Variants in ZNF638 observed in about 807,000 individuals in gnomAD.
ZNF638 encodes the protein zinc finger protein 638.
ZNF638 carries 46 observed loss-of-function variants against 195.6 expected under a neutral mutation model. That is an observed-to-expected ratio of 0.24 (90% CI 0.19 to 0.30). The LOEUF is 0.30. Ranked by LOEUF, ZNF638 falls within the 10% of genes least tolerant of loss-of-function variation. The pLI is 1.00. For missense variants in ZNF638, 2,440 were observed against 2,325.3 expected (o/e 1.05, Z -1.01); for synonymous variants, 845 against 772.0 (o/e 1.09, Z -1.57).
chr2:71,432,387 T>C (rs1199558905), intron 26 of ZNF638, among the ~76,000 whole-genome samples: 2 of 152,082 alleles, frequency 1.3e-5, no homozygotes, highest in African/African-American at 4.8e-5. Context: ...TTTTGGTAGA[T>C]ACAGGGTTTC....
intron 1 of ZNF638, among the ~76,000 whole-genome samples, chr2:71,337,694 A>G (rs565830166): frequency 1.1e-4 from 16 of 152,292 alleles, no homozygotes; most frequent in Middle Eastern, 3.4e-3. Context: ...GCATGAGCCA[A>G]TGCGCAGCCT....
At chr2:71,396,864 T>C (rs1174257358) in intron 11 of ZNF638, among the ~76,000 whole-genome samples, 1 of 152,132 alleles carries the variant, frequency 6.6e-6, no homozygotes, top group African/African-American at 2.4e-5. Context: ...GGAGAATCGC[T>C]TGAACCCGGG....
rs1276955429 is a variant in ZNF638, at chr2:71,434,638, G to A, written c.5872-104G>A. ...TAAGGCACTGTGTTTATAATATTTT[G>A]TAGGATCAGTTTCTTTTAAATTATA... is the stretch of plus-strand genomic sequence containing the variant. On this transcript the variant is annotated intron_variant, in intron 27 of 27. Coordinates refer to ENST00000264447, the MANE Select transcript of ZNF638 (RefSeq NM_014497.5). 9 of 918,164 alleles carry A rather than the reference G, an allele frequency of 9.8e-6. No homozygotes were observed. The East Asian group carries it at 2.1e-4, about 22-fold the overall frequency. 56.9% of individuals were successfully genotyped at this position (918,164 alleles called of 1,614,324 possible).
chr2:71,419,974 C>CCCCTCT (rs1189202093), intron 21 of ZNF638, among the ~76,000 whole-genome samples: 1 of 27,022 alleles, frequency 3.7e-5, no homozygotes, highest in Non-Finnish European at 5.8e-5. Flanking sequence ...CCCCCCCCGC[C>CCCCTCT]TTTTTTTTTT....
At chr2:71,354,735 CAA>C (rs70959234) in intron 2 of ZNF638, among the ~76,000 whole-genome samples, 12 of 138,698 alleles carry the variant, frequency 8.7e-5, no homozygotes, top group Non-Finnish European at 1.3e-4. Flanking sequence ...GAAACTGTCT[CAA>C]AAAAAAAAGA....
intron 2 of ZNF638, among the ~76,000 whole-genome samples, chr2:71,352,326 G>T (rs1375418285): frequency 1.3e-5 from 2 of 151,510 alleles, no homozygotes; most frequent in Admixed American, 6.6e-5. Flanking sequence ...AAAAATACAA[G>T]AATTAGCCGG....
chr2:71,405,439 GAA>G (rs941624036), intron 17 of ZNF638, among the ~76,000 whole-genome samples, 160 bp from the exon 18 acceptor site: 91 of 152,260 alleles, frequency 6.0e-4, no homozygotes, highest in African/African-American at 2.1e-3. Flanking sequence ...GTTTAGGAGA[GAA>G]AGATTTTTGG....
chr2:71,388,614 C>T (rs565520486), intron 10 of ZNF638: 8 of 801,692 alleles, frequency 1.0e-5, no homozygotes, highest in Non-Finnish European at 1.8e-5. Context: ...TCATCCGTCG[C>T]TCGGCCAGAG....
At chr2:71,431,555 T>A in intron 26 of ZNF638, 127 bp downstream of exon 26, 1 of 705,774 alleles carries the variant, frequency 1.4e-6, no homozygotes, top group Non-Finnish European at 2.4e-6. Context: ...GTCAGGAGAT[T>A]GAGACCATCC....
At chr2:71,377,854 T>C (rs1247705268) in intron 8 of ZNF638, among the ~76,000 whole-genome samples, 1 of 152,264 alleles carries the variant, frequency 6.6e-6, no homozygotes, top group African/African-American at 2.4e-5. Context: ...GAAAACAGTT[T>C]AACTATACAA....
At chr2:71,420,136 C>T (rs1014392146) in intron 21 of ZNF638, among the ~76,000 whole-genome samples, 1 of 151,638 alleles carries the variant, frequency 6.6e-6, no homozygotes, top group African/African-American at 2.4e-5. Flanking sequence ...CTATGTTGCT[C>T]AGGCTGGCCT....
In ZNF638 at chr2:71,364,009, A is replaced by G. The variant is rs1278044832; in HGVS notation, c.1474A>G (p.Ser492Gly). Residue 492 changes from serine to glycine, a missense_variant, in exon 5 of 28, where the codon AGT (serine) becomes GGT (glycine). Around this residue, in one of 5 missense-constraint regions of ZNF638, gnomAD observed 1,883 missense variants for 1,739.1 expected, o/e 1.08. Coordinates refer to ENST00000264447, the MANE Select transcript of ZNF638 (RefSeq NM_014497.5). ...ETPRRRSHSP[S>G]PRRSRRSSSS... is the part of the protein sequence containing the mutation. ...TCCACGAAGACGTTCTCATTCCCCC[A>G]GTCCTAGGCGTTCTAGAAGATCAAG... is the stretch of plus-strand genomic sequence containing the variant. The G allele has an allele frequency of 2.5e-6, 4 of 1,614,094 alleles. No homozygotes were observed. The highest frequency in any genetic ancestry group is 3.4e-6 in the Non-Finnish European group (4 of 1,180,038).
At chr2:71,353,461 G>C (rs2078974989) in intron 2 of ZNF638, among the ~76,000 whole-genome samples, 2 of 152,144 alleles carry the variant, frequency 1.3e-5, no homozygotes, top group African/African-American at 2.4e-5. Flanking sequence ...CCTGCTAGTA[G>C]GTAATTATCA....
Position 71,331,787 on chromosome 2 carries a change from C to T in ZNF638, c.-291C>T. The stretch of plus-strand genomic sequence containing the variant: ...GCGCATGCGTGCAGCTCTTTGGAGG[C>T]GGTAGCGTTTTCGGCGTCGAGACTG... On this transcript the variant is annotated 5_prime_UTR_variant, in exon 1 of 28. Transcript: ENST00000264447. The T allele has an allele frequency of 2.0e-6, 2 of 986,048 alleles. No homozygotes were observed. The highest frequency in any genetic ancestry group is 2.4e-6 in the Non-Finnish European group (2 of 830,120). The allele number at this position is 986,048 out of a possible 1,614,324, so 61.1% of individuals were successfully genotyped here.
At chr2:71,370,393 G>T (rs1450637678) in intron 8 of ZNF638, among the ~76,000 whole-genome samples, 1 of 152,074 alleles carries the variant, frequency 6.6e-6, no homozygotes, top group African/African-American at 2.4e-5. Flanking sequence ...GTTGAGTTTT[G>T]CCTGTTTTCA....
chr2:71,427,460 C>A, intron 24 of ZNF638, 46 bp downstream of exon 24: 2 of 1,364,846 alleles, frequency 1.5e-6, no homozygotes, highest in Non-Finnish European at 2.0e-6. Flanking sequence ...GAGGGGATTA[C>A]ATTTAAAATT....
chr2:71,396,789 C>CA (rs563888676), intron 11 of ZNF638, among the ~76,000 whole-genome samples: 3 of 152,000 alleles, frequency 2.0e-5, no homozygotes, highest in Non-Finnish European at 4.4e-5. Context: ...ACTGAAAATA[C>CA]AAAAAAACTA....
intron 16 of ZNF638, among the ~76,000 whole-genome samples, chr2:71,403,157 A>G (rs1157344400): frequency 1.3e-5 from 2 of 152,184 alleles, no homozygotes; most frequent in Non-Finnish European, 2.9e-5. Context: ...CATAAAATGA[A>G]AATTTAAAAA....
intron 20 of ZNF638, among the ~76,000 whole-genome samples, chr2:71,411,590 G>T (rs1573143971): frequency 8.7e-6 from 1 of 115,388 alleles, no homozygotes. Flanking sequence ...GTGTCATCTA[G>T]CATTAGGTAT....
Sources: gnomAD v4.1 joint callset for allele counts (sites outside exome capture counted in the v4.1 genomes callset) on GRCh38, gnomAD v4.1.1 for gene constraint, gnomAD v4.1.1 regional missense constraint, MANE v1.5 for transcripts, NCBI Gene and HGNC (gene_info 2026-07-23, HGNC 2026-07-21) for gene names.